Variants in CREBRF observed in about 807,000 individuals in gnomAD.
CREBRF encodes CREB3 regulatory factor.
A neutral mutation model predicts 66.1 loss-of-function variants in CREBRF; 5 were observed. The ratio of observed to expected loss-of-function variants is 0.08; its 90% CI spans 0.04 to 0.16. CREBRF has a LOEUF of 0.16. CREBRF is among the 10% of genes least tolerant of loss of function. The pLI, the probability that CREBRF is intolerant of heterozygous loss-of-function variation, is 1.00. For missense variants in CREBRF, 531 were observed against 744.9 expected, an observed-to-expected ratio of 0.71 and a Z score of 3.34; for synonymous variants, 229 against 264.4, an observed-to-expected ratio of 0.87 and a Z score of 1.30.
chr5:173,115,765 C>T (rs1311633651), intron 7 of CREBRF, among the ~76,000 whole-genome samples: 3 of 152,136 alleles, frequency 2.0e-5, no homozygotes, highest in Non-Finnish European at 2.9e-5. Context: ...CCACCACGCC[C>T]GGCTAATTTT....
In CREBRF at chr5:173,123,545, A is replaced by G. The variant is rs190598810; in HGVS notation, c.1804+343A>G. 1.7e-3 allele frequency: 394 copies of G among 230,618 alleles called. 2 individuals are homozygous for G. The highest frequency in any genetic ancestry group is 2.7e-3 in the Non-Finnish European group (328 of 119,518). 14.3% of individuals were successfully genotyped at this position (230,618 alleles called of 1,614,324 possible). A position where few individuals can be genotyped will look rare whatever the true frequency, so the allele number is the denominator to read the frequency against. On this transcript the variant is annotated intron_variant, in intron 8 of 8. Coordinates refer to ENST00000296953, the MANE Select transcript of CREBRF (RefSeq NM_153607.3). ...AGATTCTTACTTGTTTTACTCAGTA[A>G]TGCATTTCACAGGATTCCCACAAAC...
At position 173,139,097 on chromosome 5, in the gene CREBRF, G is replaced by C. The variant is rs562004027; in HGVS notation, c.*5352G>C. The C allele has an allele frequency of 9.9e-5, 15 of 152,032 alleles. No individual in the cohort carries two copies. The highest frequency in any genetic ancestry group is 7.2e-4 in the Admixed American group (11 of 15,270). The allele number at this position is 152,032 out of a possible 1,614,324, so 9.4% of individuals were successfully genotyped here. On this transcript the variant is annotated 3_prime_UTR_variant, in exon 9 of 9. Coordinates refer to ENST00000296953, the MANE Select transcript of CREBRF (RefSeq NM_153607.3). The stretch of plus-strand genomic sequence containing the variant: ...ACTTTATCTTGTTGACGCATGAGCT[G>C]TTTAAAAATTATCCTATTAAATGTT...
At chr5:173,130,577 T>G (rs1404709015) in intron 8 of CREBRF, among the ~76,000 whole-genome samples, 1 of 152,010 alleles carries the variant, frequency 6.6e-6, no homozygotes, top group African/African-American at 2.4e-5. Context: ...CAGGCTGGAA[T>G]GCAGTGGTGC....
intron 7 of CREBRF, among the ~76,000 whole-genome samples, chr5:173,117,391 A>T (rs866313897): frequency 9.0e-5 from 4 of 44,688 alleles, no homozygotes; most frequent in East Asian, 8.9e-4. Flanking sequence ...AAAAAAAAAA[A>T]AAATAAGTAA....
chr5:173,096,257 C>A (rs562093496), intron 4 of CREBRF, among the ~76,000 whole-genome samples: 2 of 152,334 alleles, frequency 1.3e-5, no homozygotes, highest in South Asian at 4.1e-4. Context: ...GCGTGAGCCA[C>A]TGCGCCCAGC....
chr5:173,111,082 C>G (rs957934180), intron 6 of CREBRF, among the ~76,000 whole-genome samples: 4 of 152,122 alleles, frequency 2.6e-5, no homozygotes, highest in Non-Finnish European at 5.9e-5. Context: ...CATACAACCA[C>G]CACCACAATC....
At position 173,112,488 on chromosome 5, in the gene CREBRF, C is replaced by T. The variant is rs975036198; in HGVS notation, c.1681+109C>T. The T allele has an allele frequency of 3.5e-5, 24 of 692,180 alleles. No individual in the cohort carries two copies. The African/African-American group carries it at 4.3e-4, about 12-fold the overall frequency. The allele number at this position is 692,180 out of a possible 1,614,324, so 42.9% of individuals were successfully genotyped here. On this transcript the variant is annotated intron_variant, in intron 7 of 8. Coordinates refer to ENST00000296953, the MANE Select transcript of CREBRF (RefSeq NM_153607.3). The stretch of plus-strand genomic sequence containing the variant: ...TCGCTGTATTCTGCCTAGTTTTTGG[C>T]TAGCCTCCTATTTGTTTATCTGTTC...
rs985692162 is a variant in CREBRF at position 173,139,213 on chromosome 5, C to G, written c.*5468C>G. ...GTCACCTTCCAACCCCTGAGCACTT[C>G]TAGTCAGATACAGATTCATCAGTGT... On this transcript the variant is annotated 3_prime_UTR_variant, in exon 9 of 9. Coordinates refer to ENST00000296953, the MANE Select transcript of CREBRF (RefSeq NM_153607.3). 2.0e-5 allele frequency: 3 copies of G among 152,166 alleles called. No homozygotes were observed. The highest frequency in any genetic ancestry group is 7.2e-5 in the African/African-American group (3 of 41,444). The allele number at this position is 152,166 out of a possible 1,614,324, so 9.4% of individuals were successfully genotyped here.
Position 173,086,486 on chromosome 5 carries a change from A to G in CREBRF, c.10-15A>G, listed in dbSNP as rs1416890550. 4 of 1,610,216 alleles carry G rather than the reference A, an allele frequency of 2.5e-6. No individual in the cohort carries two copies. Among genetic ancestry groups the G allele is most frequent in the African/African-American group, 1.3e-5 (1 of 74,710 alleles). On this transcript the variant is annotated splice_polypyrimidine_tract_variant and intron_variant, in intron 2 of 8. Coordinates refer to ENST00000296953, the MANE Select transcript of CREBRF (RefSeq NM_153607.3). ...TAGTCTTTAACTTTCTAAAATAAAA[A>G]TCACTCTGTTGTAGCCTAGTGTAAG...
chr5:173,096,058 C>T (rs1189273746), intron 4 of CREBRF, among the ~76,000 whole-genome samples: 1 of 152,124 alleles, frequency 6.6e-6, no homozygotes, highest in Non-Finnish European at 1.5e-5. Flanking sequence ...CAAACTCCGC[C>T]TCCCGGGTTA....
intron 1 of CREBRF, among the ~76,000 whole-genome samples, chr5:173,074,086 G>A (rs1440071340): frequency 6.6e-6 from 1 of 151,864 alleles, no homozygotes; most frequent in Non-Finnish European, 1.5e-5. Flanking sequence ...GTAGATCACC[G>A]GAGTTCAGGA....
chr5:173,083,081 A>G (rs899800530), intron 2 of CREBRF, among the ~76,000 whole-genome samples: 48 of 150,804 alleles, frequency 3.2e-4, no homozygotes, highest in African/African-American at 1.1e-3. Flanking sequence ...TATAAAAATT[A>G]GCTGGACGTG....
chr5:173,056,513 G>C (rs1227513074), intron 1 of CREBRF, 34 bp downstream of exon 1: 1 of 398,230 alleles, frequency 2.5e-6, no homozygotes, highest in African/African-American at 2.1e-5. Flanking sequence ...GGAACCCCCA[G>C]GGGCCTGGGC....
In CREBRF at chr5:173,137,053, G is replaced by T. The variant is rs1759602267; in HGVS notation, c.*3308G>T. ...TCTCCATATGAAAGCATGCTGTCCA[G>T]TCGCTCTTGTTAAGATCTTGTCTGA... On this transcript the variant is annotated 3_prime_UTR_variant, in exon 9 of 9. Transcript: ENST00000296953. 1 of 151,914 alleles carries T rather than the reference G, an allele frequency of 6.6e-6. No homozygotes were observed. Among genetic ancestry groups the T allele is most frequent in the Non-Finnish European group, 1.5e-5 (1 of 67,908 alleles). The allele number at this position is 151,914 out of a possible 1,614,324, so 9.4% of individuals were successfully genotyped here.
intron 2 of CREBRF, among the ~76,000 whole-genome samples, chr5:173,082,013 T>TTTTTTTTTTTTTTTTTTTG (rs1757965086): frequency 8.1e-6 from 1 of 123,626 alleles, no homozygotes; most frequent in African/African-American, 3.2e-5. Flanking sequence ...GTTTTTTTTT[T>TTTTTTTTTTTTTTTTTTTG]TTTTTTTTTT....
chr5:173,123,039 A>G, intron 7 of CREBRF, 41 bp from the exon 8 acceptor site: 1 of 1,542,060 alleles, frequency 6.5e-7, no homozygotes. Context: ...AAAGTCTTTC[A>G]TGGTAGTGAC....
intron 1 of CREBRF, among the ~76,000 whole-genome samples, chr5:173,070,291 C>T (rs541173316): frequency 6.6e-6 from 1 of 152,282 alleles, no homozygotes; most frequent in South Asian, 2.1e-4. Context: ...TGGAATCCTG[C>T]TGTGTGCTCC....
intron 1 of CREBRF, among the ~76,000 whole-genome samples, chr5:173,073,108 G>C (rs1196699734): frequency 6.6e-6 from 1 of 152,202 alleles, no homozygotes; most frequent in Non-Finnish European, 1.5e-5. Context: ...TAGAGCTCAC[G>C]CATGCACATG....
chr5:173,063,991 G>A (rs1202626295), intron 1 of CREBRF, among the ~76,000 whole-genome samples: 1 of 152,150 alleles, frequency 6.6e-6, no homozygotes, highest in Non-Finnish European at 1.5e-5. Flanking sequence ...CAAAGTGCTG[G>A]GATTACAGGC....
Sources: allele counts gnomAD v4.1 joint callset (sites outside exome capture counted in the v4.1 genomes callset), GRCh38; gene constraint gnomAD v4.1.1; transcripts MANE v1.5; gene names NCBI Gene and HGNC (gene_info 2026-07-23, HGNC 2026-07-21).